ARHGAP24: variants seen among roughly 807,000 people sequenced by gnomAD.
ARHGAP24 encodes rho GTPase-activating protein 24.
A neutral mutation model predicts 76.4 loss-of-function variants in ARHGAP24; 50 were observed. That is an observed-to-expected ratio of 0.65 (90% CI 0.52 to 0.83). ARHGAP24 has a LOEUF of 0.83. ARHGAP24 is among the 40% of genes least tolerant of loss of function. The pLI, the probability that ARHGAP24 is intolerant of heterozygous loss-of-function variation, is 0.00. For synonymous variants in ARHGAP24, 345 were observed against 323.3 expected (o/e 1.07, Z -0.72); for missense variants, 930 against 914.2 (o/e 1.02, Z -0.22).
intron 3 of ARHGAP24, among the ~76,000 whole-genome samples, chr4:85,909,133 G>A (rs1346336154): frequency 6.6e-6 from 1 of 152,114 alleles, no homozygotes; most frequent in African/African-American, 2.4e-5. Context: ...CTTCCTTGAG[G>A]TATTCTGAGT....
At chr4:85,662,804 G>C (rs1051614333) in intron 2 of ARHGAP24, among the ~76,000 whole-genome samples, 32 of 152,074 alleles carry the variant, frequency 2.1e-4, no homozygotes, top group Non-Finnish European at 4.6e-4. Flanking sequence ...TTTTTCTCAG[G>C]TTTGTCAAAG....
chr4:85,964,776 A>G (rs565254903), intron 5 of ARHGAP24, among the ~76,000 whole-genome samples: 1 of 152,138 alleles, frequency 6.6e-6, no homozygotes, highest in Non-Finnish European at 1.5e-5. Flanking sequence ...AGTAATCTCT[A>G]TCTTACAGCT....
chr4:85,706,311 C>CTT (rs1724305512), intron 2 of ARHGAP24, among the ~76,000 whole-genome samples: 1 of 152,024 alleles, frequency 6.6e-6, no homozygotes, highest in Non-Finnish European at 1.5e-5. Context: ...ATACATTTTG[C>CTT]TTATTAAATA....
intron 2 of ARHGAP24, among the ~76,000 whole-genome samples, chr4:85,675,211 C>CT: frequency 1.3e-5 from 2 of 152,130 alleles, no homozygotes; most frequent in East Asian, 3.8e-4. Context: ...TGAAAAAAAC[C>CT]ATGACGCATG....
At chr4:85,932,052 C>T (rs138646737) in intron 4 of ARHGAP24, among the ~76,000 whole-genome samples, 1 of 151,854 alleles carries the variant, frequency 6.6e-6, no homozygotes, top group Admixed American at 6.6e-5. Flanking sequence ...TTAAGGAAAC[C>T]ATTGTTCCTG....
At chr4:85,791,937 G>C (rs547251018) in intron 3 of ARHGAP24, among the ~76,000 whole-genome samples, 1 of 152,172 alleles carries the variant, frequency 6.6e-6, no homozygotes, top group Non-Finnish European at 1.5e-5. Flanking sequence ...TCAAGAGCCA[G>C]CCTAATGAAA....
chr4:85,673,680 A>G lies in ARHGAP24; in HGVS notation c.181-48205A>G, dbSNP rs915223160. 2.8e-5 allele frequency among the ~76,000 whole-genome samples: 4 copies of G among 144,848 alleles called. No individual in the cohort carries two copies. The East Asian group carries it at 8.5e-4, about 31-fold the overall frequency. On this transcript the variant is annotated intron_variant, in intron 2 of 9. Coordinates refer to ENST00000395184, the MANE Select transcript of ARHGAP24 (RefSeq NM_001025616.3). The stretch of plus-strand genomic sequence containing the variant: ...ATCCTCTCAATGCTTAGATCTCCCC[A>G]CTGGTAAAGTGAAACACCAGTGGGG...
intron 4 of ARHGAP24, among the ~76,000 whole-genome samples, chr4:85,938,736 A>G (rs1578410132): frequency 2.0e-5 from 3 of 152,132 alleles, no homozygotes; most frequent in Non-Finnish European, 4.4e-5. Context: ...TTTTTTATAT[A>G]TTATACTGCT....
intron 4 of ARHGAP24, among the ~76,000 whole-genome samples, chr4:85,936,317 G>A (rs1020283470): frequency 1.3e-5 from 2 of 152,160 alleles, no homozygotes; most frequent in Non-Finnish European, 2.9e-5. Flanking sequence ...GGGAGGTAAA[G>A]TGTTTTATTT....
chr4:85,913,810 G>A (rs1328339761), intron 3 of ARHGAP24, among the ~76,000 whole-genome samples: 1 of 152,142 alleles, frequency 6.6e-6, no homozygotes, highest in African/African-American at 2.4e-5. Flanking sequence ...GATATTATGA[G>A]TCTTGCAGAT....
chr4:85,629,404 G>T (rs923944840), intron 2 of ARHGAP24, among the ~76,000 whole-genome samples: 1 of 151,998 alleles, frequency 6.6e-6, no homozygotes, highest in African/African-American at 2.4e-5. Context: ...TATAATAATA[G>T]AGTCTTCTGA....
chr4:85,623,509 T>G (rs1326646954), intron 2 of ARHGAP24, among the ~76,000 whole-genome samples: 3 of 152,218 alleles, frequency 2.0e-5, no homozygotes, highest in Non-Finnish European at 2.9e-5. Flanking sequence ...TAGTATAGTT[T>G]GAAGTCAGGT....
chr4:85,691,078 T>C (rs867560572), intron 2 of ARHGAP24, among the ~76,000 whole-genome samples: 11 of 152,202 alleles, frequency 7.2e-5, no homozygotes, highest in Admixed American at 2.0e-4. Context: ...AATTTTTTGA[T>C]TTATGCCTTA....
Position 85,487,347 on chromosome 4 carries a change from T to G in ARHGAP24, c.-21+11788T>G, listed in dbSNP as rs1200824685. ...TATTTATTATAAATTTATATACATT[T>G]ATAATATATATAAATATATAAATAT... On this transcript the variant is annotated intron_variant, in intron 1 of 9. Transcript: ENST00000395184. Among the ~76,000 whole-genome samples the G allele has an allele frequency of 1.5e-4, 17 of 112,868 alleles. 1 individual carries two copies. The Admixed American group carries it at 1.8e-3, about 12-fold the overall frequency. 74.0% of individuals were successfully genotyped at this position (112,868 alleles called of 152,430 possible).
intron 2 of ARHGAP24, among the ~76,000 whole-genome samples, chr4:85,588,371 C>T (rs772297276): frequency 2.0e-5 from 3 of 152,234 alleles, no homozygotes; most frequent in Non-Finnish European, 4.4e-5. Context: ...GCCTTTCTGC[C>T]CTTCCATGAT....
intron 3 of ARHGAP24, among the ~76,000 whole-genome samples, chr4:85,889,560 G>A (rs900675399): frequency 5.3e-5 from 8 of 152,128 alleles, no homozygotes; most frequent in African/African-American, 1.7e-4. Context: ...TATACAAGGC[G>A]ATTTTATATT....
At chr4:85,798,066 T>TA (rs35401705) in intron 3 of ARHGAP24, among the ~76,000 whole-genome samples, 143,305 of 152,178 alleles carry the variant, frequency 0.94, 68,051 homozygotes, top group East Asian at 1. Flanking sequence ...AGTTTACTAC[T>TA]AAAAAAGGAA....
intron 5 of ARHGAP24, among the ~76,000 whole-genome samples, chr4:85,963,787 T>A (rs552350052): frequency 1.6e-4 from 24 of 152,306 alleles, no homozygotes; most frequent in Non-Finnish European, 3.5e-4. Flanking sequence ...TGTTTATTTA[T>A]GCTTAAACAA....
intron 3 of ARHGAP24, among the ~76,000 whole-genome samples, chr4:85,843,414 G>C (rs934039066): frequency 6.6e-6 from 1 of 152,052 alleles, no homozygotes; most frequent in South Asian, 2.1e-4. Context: ...GACGCAAATA[G>C]CAGGAGAGGC....
Sources: allele counts gnomAD v4.1 joint callset (sites outside exome capture counted in the v4.1 genomes callset), GRCh38; gene constraint gnomAD v4.1.1; transcripts MANE v1.5; gene names NCBI Gene and HGNC (gene_info 2026-07-23, HGNC 2026-07-21).